Variants in UQCC1 observed in about 807,000 individuals in gnomAD.
UQCC1 encodes the protein bFGF-repressed Zic-binding protein.
A neutral mutation model predicts 48.0 loss-of-function variants in UQCC1; 38 were observed. That is an observed-to-expected ratio of 0.79 (90% CI 0.61 to 1.04). The LOEUF (loss-of-function observed/expected upper bound fraction) is 1.04, where lower values mean the gene tolerates loss of function less well. Among genes scored for constraint, UQCC1 ranks in the 50% least tolerant of loss-of-function variants. The probability of loss-of-function intolerance (pLI) is 0.00; values close to 1 mark genes in which losing one functional copy is unlikely to be tolerated. For synonymous variants in UQCC1, 111 were observed against 129.2 expected (o/e 0.86, Z 0.95); for missense variants, 368 against 381.8 (o/e 0.96, Z 0.30).
At chr20:35,360,230 G>A (rs2061591444) in intron 6 of UQCC1, among the ~76,000 whole-genome samples, 1 of 152,158 alleles carries the variant, frequency 6.6e-6, no homozygotes, top group African/African-American at 2.4e-5. Context: ...ATGTGCACAT[G>A]GCCAGGGCTC....
intron 6 of UQCC1, among the ~76,000 whole-genome samples, chr20:35,357,671 C>CAAAAAAAAAAAAAAAAAAAA: frequency 9.7e-6 from 1 of 103,422 alleles, no homozygotes. Context: ...GACCTTGTCT[C>CAAAAAAAAAAAAAAAAAAAA]AAAAAAAAAA....
chr20:35,397,051 T>G (rs1330978807), intron 1 of UQCC1, among the ~76,000 whole-genome samples: 1 of 151,460 alleles, frequency 6.6e-6, no homozygotes, highest in Non-Finnish European at 1.5e-5. Flanking sequence ...AGGAAAAAAA[T>G]ACCGGGCATG....
chr20:35,374,290 T>C (rs1423278425), intron 4 of UQCC1, 34 bp from the exon 5 acceptor site: 1 of 1,530,988 alleles, frequency 6.5e-7, no homozygotes, highest in Non-Finnish European at 9.0e-7. Context: ...ACTCAAGACA[T>C]GACCAAGTGG....
At chr20:35,402,562 A>G (rs1324343698) in intron 1 of UQCC1, among the ~76,000 whole-genome samples, 2 of 149,848 alleles carry the variant, frequency 1.3e-5, no homozygotes, top group Non-Finnish European at 3.0e-5. Context: ...TGGGCGACAG[A>G]GCGAGACTCC....
At chr20:35,407,863 A>G (rs1225719135) in intron 1 of UQCC1, among the ~76,000 whole-genome samples, 1 of 152,160 alleles carries the variant, frequency 6.6e-6, no homozygotes, top group Non-Finnish European at 1.5e-5. Flanking sequence ...TCTCTACTAA[A>G]AATACAAAAT....
At chr20:35,341,235 A>AAAAGAAAG (rs903993886) in intron 7 of UQCC1, among the ~76,000 whole-genome samples, 3 of 148,344 alleles carry the variant, frequency 2.0e-5, no homozygotes, top group African/African-American at 7.5e-5. Flanking sequence ...AAAAAAAAAA[A>AAAAGAAAG]AAAGAAAGAA....
intron 7 of UQCC1, among the ~76,000 whole-genome samples, chr20:35,331,318 C>G (rs1433034100): frequency 6.6e-6 from 1 of 150,934 alleles, no homozygotes; most frequent in African/African-American, 2.4e-5. Flanking sequence ...CTCCTGGGAG[C>G]AGAAAGGGGT....
At chr20:35,410,308 C>T (rs1397987192) in intron 1 of UQCC1, among the ~76,000 whole-genome samples, 3 of 151,460 alleles carry the variant, frequency 2.0e-5, no homozygotes, top group Non-Finnish European at 4.4e-5. Context: ...CCGCAGGAGG[C>T]GGATCATGAG....
At chr20:35,340,224 C>A (rs563661779) in intron 7 of UQCC1, among the ~76,000 whole-genome samples, 1 of 152,172 alleles carries the variant, frequency 6.6e-6, no homozygotes, top group Non-Finnish European at 1.5e-5. Flanking sequence ...ACTCCTCGAA[C>A]TCTTGCTACC....
At chr20:35,343,999 A>G (rs2061407861) in intron 7 of UQCC1, 2 of 152,242 alleles carry the variant, frequency 1.3e-5, no homozygotes, top group South Asian at 4.1e-4. Context: ...GCGATAGGGG[A>G]AAAATTCCCC....
chr20:35,378,735 G>C (rs1287516564), intron 4 of UQCC1, among the ~76,000 whole-genome samples: 2 of 152,076 alleles, frequency 1.3e-5, no homozygotes, highest in African/African-American at 2.4e-5. Flanking sequence ...CAACCATCTG[G>C]GCCTCTGTTC....
chr20:35,407,603 T>G (rs541089681), intron 1 of UQCC1, among the ~76,000 whole-genome samples: 7 of 152,084 alleles, frequency 4.6e-5, no homozygotes, highest in African/African-American at 1.7e-4. Flanking sequence ...TATGAAAAAC[T>G]TGCCAGATGC....
chr20:35,380,755 T>C (rs775322065), intron 4 of UQCC1, among the ~76,000 whole-genome samples: 1 of 152,194 alleles, frequency 6.6e-6, no homozygotes, highest in Non-Finnish European at 1.5e-5. Context: ...ACTTCTGCCA[T>C]AGTGAAAGAG....
intron 7 of UQCC1, among the ~76,000 whole-genome samples, chr20:35,338,770 G>A (rs945611788): frequency 1.5e-4 from 22 of 142,370 alleles, no homozygotes; most frequent in African/African-American, 5.8e-4. Flanking sequence ...GCTTGAACCC[G>A]GGAGGTGGAG....
intron 5 of UQCC1, among the ~76,000 whole-genome samples, chr20:35,372,471 C>T (rs1417878988): frequency 6.6e-6 from 1 of 152,134 alleles, no homozygotes; most frequent in Non-Finnish European, 1.5e-5. Context: ...GAAAGGTGAA[C>T]ACTAAATTGG....
At chr20:35,358,177 A>G (rs2061567089) in intron 6 of UQCC1, among the ~76,000 whole-genome samples, 1 of 151,954 alleles carries the variant, frequency 6.6e-6, no homozygotes, top group African/African-American at 2.4e-5. Flanking sequence ...AACCTGGTGA[A>G]ACCTCATCTC....
chr20:35,376,328 T>C (rs1332877071), intron 4 of UQCC1, among the ~76,000 whole-genome samples: 1 of 151,748 alleles, frequency 6.6e-6, no homozygotes, highest in Non-Finnish European at 1.5e-5. Context: ...TCAATAAAAT[T>C]GATAACCTAT....
intron 2 of UQCC1, among the ~76,000 whole-genome samples, chr20:35,385,551 G>A (rs1201558105): frequency 6.6e-6 from 1 of 152,180 alleles, no homozygotes; most frequent in Non-Finnish European, 1.5e-5. Flanking sequence ...GCCCAGGCTG[G>A]AGTGCAGTGG....
intron 5 of UQCC1, among the ~76,000 whole-genome samples, chr20:35,368,242 C>T (rs967473694): frequency 3.3e-5 from 5 of 152,130 alleles, no homozygotes; most frequent in Non-Finnish European, 7.4e-5. Context: ...CCATGAGGTA[C>T]ATTAACAGCA....
Sources: allele counts gnomAD v4.1 joint callset (sites outside exome capture counted in the v4.1 genomes callset), GRCh38; gene constraint gnomAD v4.1.1; transcripts MANE v1.5; gene names NCBI Gene and HGNC (gene_info 2026-07-23, HGNC 2026-07-21).